The following AOPEP variants were observed in gnomAD, a reference collection of about 807,000 sequenced individuals.
AOPEP encodes the protein aminopeptidase O.
AOPEP carries 77 observed loss-of-function variants against 98.1 expected under a neutral mutation model. The observed-to-expected ratio is 0.78, with a 90% CI of 0.65 to 0.95. The LOEUF is 0.95. Among genes scored for constraint, AOPEP ranks in the 40% least tolerant of loss-of-function variants. The pLI, the probability that AOPEP is intolerant of heterozygous loss-of-function variation, is 0.00. For missense variants in AOPEP, 1,024 were observed against 1,024.7 expected (o/e 1.00, Z 0.01); for synonymous variants, 346 against 365.3 (o/e 0.95, Z 0.60).
chr9:95,080,796 C>T lies in AOPEP; in HGVS notation c.2319+16C>T. The T allele has an allele frequency of 6.4e-7, 1 of 1,573,760 alleles. No homozygotes were observed. The highest frequency in any genetic ancestry group is 8.7e-7 in the Non-Finnish European group (1 of 1,143,188). ...GGAGGATCAGGTAGGTGTCATCTTT[C>T]AGCAGATGGGGATTCTGTAAAGGCT... On this transcript the variant is annotated intron_variant, in intron 15 of 16. Transcript: ENST00000375315.
At chr9:94,933,148 G>A in intron 7 of AOPEP, 4 of 985,778 alleles carry the variant, frequency 4.1e-6, no homozygotes, top group Non-Finnish European at 4.8e-6. Context: ...GCTCTCTCCT[G>A]TCATCTATCC....
chr9:94,747,621 T>C (rs997401702), intron 1 of AOPEP, among the ~76,000 whole-genome samples: 1 of 152,230 alleles, frequency 6.6e-6, no homozygotes, highest in Non-Finnish European at 1.5e-5. Flanking sequence ...ACTCAAAGAT[T>C]AAAATTTTAC....
At chr9:94,889,956 G>A (rs530467576) in intron 5 of AOPEP, among the ~76,000 whole-genome samples, 1 of 151,612 alleles carries the variant, frequency 6.6e-6, no homozygotes, top group South Asian at 2.1e-4. Flanking sequence ...ATGTGCTTAA[G>A]TGCCATCTGT....
chr9:94,766,269 C>T (rs959504239), intron 2 of AOPEP, among the ~76,000 whole-genome samples: 1 of 152,278 alleles, frequency 6.6e-6, no homozygotes, highest in East Asian at 1.9e-4. Context: ...CCCGGTGCAG[C>T]GGCTCACGCG....
At chr9:95,119,877 A>G in the AOPEP span, among the ~76,000 whole-genome samples, 1 of 152,050 alleles carries the variant, frequency 6.6e-6, no homozygotes, top group Non-Finnish European at 1.5e-5. Context: ...ACGTTCAGCT[A>G]AATTTTGTAT....
Position 95,017,339 on chromosome 9 carries a change from T to C in AOPEP, c.2115+11723T>C, listed in dbSNP as rs139791187. ...AGACAAACCTAGATGGTAGAGCCTA[T>C]TGCTCCTACACTTCAAATTTGTACA... On this transcript the variant is annotated intron_variant, in intron 13 of 16. Transcript: ENST00000375315. Among the ~76,000 whole-genome samples the C allele has an allele frequency of 2.6e-5, 4 of 152,300 alleles. No individual in the cohort carries two copies. The East Asian group carries it at 7.7e-4, about 29-fold the overall frequency.
chr9:94,902,264 C>T (rs527840381), intron 5 of AOPEP, among the ~76,000 whole-genome samples: 3 of 152,288 alleles, frequency 2.0e-5, no homozygotes, highest in Admixed American at 6.5e-5. Flanking sequence ...TGATGTTCAG[C>T]AGGTGAGAAA....
At chr9:94,730,335 A>G (rs1329190386) in intron 1 of AOPEP, among the ~76,000 whole-genome samples, 3 of 151,126 alleles carry the variant, frequency 2.0e-5, no homozygotes, top group African/African-American at 4.9e-5. Context: ...TCTTCTGTCT[A>G]GTATAAATTT....
At chr9:94,962,730 C>CTTTTTTTTTTT (rs3992777) in intron 9 of AOPEP, among the ~76,000 whole-genome samples, 2 of 129,734 alleles carry the variant, frequency 1.5e-5, no homozygotes, top group East Asian at 2.3e-4. Flanking sequence ...ATATTATCAT[C>CTTTTTTTTTTT]TTTTTTTTTT....
chr9:94,976,833 A>AT (rs1168561907), intron 10 of AOPEP, among the ~76,000 whole-genome samples: 8 of 151,920 alleles, frequency 5.3e-5, no homozygotes, highest in Non-Finnish European at 7.4e-5. Context: ...TGCCCAGCTA[A>AT]TTTTTTTATT....
chr9:95,110,954 T>A, the AOPEP span: 1 of 1,383,994 alleles, frequency 7.2e-7, no homozygotes, highest in Non-Finnish European at 9.3e-7. Flanking sequence ...GTGGTTAATA[T>A]CATCTGATTA....
intron 5 of AOPEP, among the ~76,000 whole-genome samples, chr9:94,911,397 A>G (rs974795401): frequency 2.0e-5 from 3 of 152,254 alleles, no homozygotes; most frequent in African/African-American, 7.2e-5. Flanking sequence ...TGTCTAACCC[A>G]GATTTCTCAG....
In AOPEP at chr9:95,082,638, G is replaced by A. The variant is rs376630565; in HGVS notation, c.2383G>A (p.Ala795Thr). ...TGAGGACGCCAGACAGCAGCAGCTC[G>A]CCCGTAGGTGCTTCGAGCGGACCAA... ...VSEDARQQQLARRCFERTKEQ... is the reference protein window; with the variant it reads ...VSEDARQQQLTRRCFERTKEQ... Residue 795 changes from alanine (A) to threonine (T), a missense_variant, in exon 16 of 17, where the codon GCC (alanine) becomes ACC (threonine). Ala to Thr is a moderately conservative substitution (Grantham distance 58, BLOSUM62 0). Around this residue, in one of 3 missense-constraint regions of AOPEP, gnomAD observed 566 missense variants for 551.7 expected, o/e 1.03. Coordinates refer to ENST00000375315, the MANE Select transcript of AOPEP (RefSeq NM_001193329.3). The A allele has an allele frequency of 1.9e-5, 30 of 1,614,106 alleles. No homozygotes were observed. The highest frequency in any genetic ancestry group is 4.0e-5 in the African/African-American group (3 of 74,938).
chr9:95,019,745 C>G (rs1345002946), intron 13 of AOPEP: 1 of 152,204 alleles, frequency 6.6e-6, no homozygotes, highest in Non-Finnish European at 1.5e-5. Flanking sequence ...GAAATCTCAT[C>G]TTGGTACCAT....
At chr9:94,878,707 G>A (rs774844213) in intron 5 of AOPEP, among the ~76,000 whole-genome samples, 5 of 152,124 alleles carry the variant, frequency 3.3e-5, no homozygotes, top group Non-Finnish European at 7.4e-5. Flanking sequence ...GCCATTTAAT[G>A]CCAACAGTAG....
chr9:95,076,053 A>G (rs759319263), intron 14 of AOPEP, among the ~76,000 whole-genome samples: 12 of 152,186 alleles, frequency 7.9e-5, no homozygotes, highest in Admixed American at 2.6e-4. Context: ...TACCGCTTCC[A>G]TGGTCTCTGG....
intron 13 of AOPEP, among the ~76,000 whole-genome samples, chr9:95,045,824 G>T (rs1229293083): frequency 6.6e-6 from 1 of 152,248 alleles, no homozygotes; most frequent in Non-Finnish European, 1.5e-5. Flanking sequence ...CTTGAGGCCA[G>T]TTGAGAGGGG....
chr9:95,103,999 G>A, the AOPEP span, among the ~76,000 whole-genome samples: 22 of 152,298 alleles, frequency 1.4e-4, no homozygotes, highest in Non-Finnish European at 2.2e-4. Flanking sequence ...GGCTGCGCTC[G>A]TGCTAGGTCC....
chr9:94,955,576 G>A (rs1426407578), intron 8 of AOPEP, among the ~76,000 whole-genome samples: 1 of 152,188 alleles, frequency 6.6e-6, no homozygotes, highest in Non-Finnish European at 1.5e-5. Context: ...ACATGGGTGA[G>A]AAGGAAGTGT....
Sources: allele counts gnomAD v4.1 joint callset (sites outside exome capture counted in the v4.1 genomes callset), GRCh38; gene constraint gnomAD v4.1.1; regional missense constraint gnomAD v4.1.1; transcripts MANE v1.5; gene names NCBI Gene and HGNC (gene_info 2026-07-23, HGNC 2026-07-21).